The following PIK3AP1 variants were observed in gnomAD, a reference collection of about 807,000 sequenced individuals.
PIK3AP1 encodes phosphoinositide 3-kinase adapter protein 1.
PIK3AP1 carries 21 observed loss-of-function variants against 88.1 expected under a neutral mutation model. That is an observed-to-expected ratio of 0.24 (90% confidence interval 0.17 to 0.34). The LOEUF is 0.34. PIK3AP1 is among the 10% of genes least tolerant of loss of function. The pLI, the probability that PIK3AP1 is intolerant of heterozygous loss-of-function variation, is 1.00. For missense variants in PIK3AP1, 828 were observed against 1,035.7 expected (o/e 0.80, Z 2.75); for synonymous variants, 398 against 400.0 (o/e 1.00, Z 0.06).
intron 13 of PIK3AP1, among the ~76,000 whole-genome samples, chr10:96,613,887 C>T (rs1181958960): frequency 6.6e-6 from 1 of 152,188 alleles, no homozygotes. Context: ...TCAATGCTCC[C>T]TAATGGGGTG....
At chr10:96,661,989 A>G (rs1183071044) in intron 2 of PIK3AP1, among the ~76,000 whole-genome samples, 1 of 152,266 alleles carries the variant, frequency 6.6e-6, no homozygotes, top group Non-Finnish European at 1.5e-5. Context: ...AAAATTAAAA[A>G]GAAAATACAT....
In PIK3AP1 at chr10:96,628,297, C is replaced by T. The variant is rs1843180700; in HGVS notation, c.1471+101G>A. The T allele has an allele frequency of 5.0e-6, 5 of 992,894 alleles. No homozygotes were observed. The East Asian group carries it at 9.5e-5, about 19-fold the overall frequency. The allele number at this position is 992,894 out of a possible 1,614,324, so 61.5% of individuals were successfully genotyped here. A position where few individuals can be genotyped will look rare whatever the true frequency, so the allele number is the denominator to read the frequency against. ...ACATCACATGCCATGTATGCAGCAG[C>T]CCATTCCTTGAGGGGAGCAACCCTC... On this transcript the variant is annotated intron_variant, in intron 9 of 16. Coordinates refer to ENST00000339364, the MANE Select transcript of PIK3AP1 (RefSeq NM_152309.3).
At chr10:96,620,325 A>C (rs1843058592) in intron 12 of PIK3AP1, 27 bp downstream of exon 12, 1 of 1,610,386 alleles carries the variant, frequency 6.2e-7, no homozygotes, top group Admixed American at 1.7e-5. Flanking sequence ...AATAGACATG[A>C]AACAAATTCC....
At chr10:96,643,515 A>G (rs764802832) in intron 8 of PIK3AP1, among the ~76,000 whole-genome samples, 7 of 152,208 alleles carry the variant, frequency 4.6e-5, no homozygotes, top group Non-Finnish European at 1.0e-4. Context: ...GCCAAGGCAC[A>G]GCTCATTCTG....
chr10:96,699,482 T>A (rs1273479234), intron 2 of PIK3AP1, among the ~76,000 whole-genome samples: 2 of 152,254 alleles, frequency 1.3e-5, no homozygotes, highest in East Asian at 1.9e-4. Flanking sequence ...TTACTTTTTT[T>A]AAATTACTGC....
At chr10:96,717,790 T>C (rs1844522791) in intron 1 of PIK3AP1, among the ~76,000 whole-genome samples, 1 of 152,168 alleles carries the variant, frequency 6.6e-6, no homozygotes, top group South Asian at 2.1e-4. Context: ...ATACACAAGA[T>C]GCCATCAGGG....
At chr10:96,707,131 C>T (rs76053872) in intron 2 of PIK3AP1, among the ~76,000 whole-genome samples, 17 of 152,300 alleles carry the variant, frequency 1.1e-4, no homozygotes, top group African/African-American at 4.1e-4. Context: ...TTCCGAGACA[C>T]TTGAAGCTAA....
Position 96,623,493 on chromosome 10 carries a change from A to G in PIK3AP1, c.1714T>C (p.Ser572Pro), listed in dbSNP as rs1390795614. Residue 572 changes from serine to proline, a missense_variant, in exon 11 of 17, where the codon TCC becomes CCC. Physicochemically the swap from Ser to Pro is moderately conservative, Grantham distance 74. This residue lies in a region of PIK3AP1 where 610 missense variants were observed against 760.1 expected (regional missense o/e 0.80). Transcript: ENST00000339364. ...SQERPGNFYVSSESIRKGPPV... is the reference protein window; with the variant it reads ...SQERPGNFYVPSESIRKGPPV... ...TTACCTTTCCTGATGCTCTCTGAGGAAACGTAGAAATTCCCAGGCCGCTCT... is the reference window on the plus strand; with the variant it reads ...TTACCTTTCCTGATGCTCTCTGAGGGAACGTAGAAATTCCCAGGCCGCTCT... 6.2e-7 allele frequency: 1 copy of G among 1,612,224 alleles called. No homozygotes were observed. The highest frequency in any genetic ancestry group is 2.2e-5 in the East Asian group (1 of 44,886).
chr10:96,596,688 A>G (rs1848758642), intron 16 of PIK3AP1, among the ~76,000 whole-genome samples: 1 of 152,118 alleles, frequency 6.6e-6, no homozygotes, highest in Non-Finnish European at 1.5e-5. Context: ...GTTATTCTGT[A>G]TGGTTTTTGA....
intron 2 of PIK3AP1, among the ~76,000 whole-genome samples, chr10:96,706,317 T>G (rs1189248560): frequency 1.3e-5 from 2 of 152,224 alleles, no homozygotes; most frequent in Non-Finnish European, 2.9e-5. Flanking sequence ...AAATATTAGC[T>G]TTTGCTTTTA....
intron 2 of PIK3AP1, among the ~76,000 whole-genome samples, chr10:96,696,708 T>C (rs1378478702): frequency 6.6e-6 from 1 of 152,202 alleles, no homozygotes; most frequent in Non-Finnish European, 1.5e-5. Context: ...ATACATACAT[T>C]CCTTCATATC....
Position 96,698,904 on chromosome 10 carries a change from G to A in PIK3AP1, c.430+10663C>T, listed in dbSNP as rs369471603. On this transcript the variant is annotated intron_variant, in intron 2 of 16. Transcript: ENST00000339364. Reference sequence around the variant, plus strand: ...AAAATATTAAAATATTAGGCCCGGCGTAGTGGCTCACGCCTGTAATCCCAG... The same window carrying A: ...AAAATATTAAAATATTAGGCCCGGCATAGTGGCTCACGCCTGTAATCCCAG... Among the ~76,000 whole-genome samples, 6 of 152,266 alleles carry A rather than the reference G, an allele frequency of 3.9e-5. No individual in the cohort carries two copies. In the East Asian group the frequency reaches 5.8e-4, roughly 15 times the overall value.
chr10:96,603,563 T>G (rs1482642461), intron 15 of PIK3AP1, among the ~76,000 whole-genome samples: 2 of 152,038 alleles, frequency 1.3e-5, no homozygotes, highest in African/African-American at 4.8e-5. Context: ...CCTCAAACAC[T>G]GGACTCCAAG....
chr10:96,677,067 G>A (rs11595566), intron 2 of PIK3AP1, among the ~76,000 whole-genome samples: 10,834 of 152,126 alleles, frequency 0.071, 515 homozygotes, highest in Non-Finnish European at 0.11. Flanking sequence ...CTCTGAACAC[G>A]GTTTGTTTTT....
At position 96,599,050 on chromosome 10, in the gene PIK3AP1, A is replaced by T. The variant is rs1046953819; in HGVS notation, c.2360+3230T>A. On this transcript the variant is annotated intron_variant, in intron 16 of 16. Coordinates refer to ENST00000339364, the MANE Select transcript of PIK3AP1 (RefSeq NM_152309.3). ...TGGCTGCAATGTGGAGGAGGGAGTGACTGGAGGAAGGGAGGTAAGTGTGGG... is the reference window on the plus strand; with the variant it reads ...TGGCTGCAATGTGGAGGAGGGAGTGTCTGGAGGAAGGGAGGTAAGTGTGGG... 2.6e-5 allele frequency among the ~76,000 whole-genome samples: 4 copies of T among 152,232 alleles called. No individual in the cohort carries two copies. The East Asian group carries it at 7.7e-4, about 29-fold the overall frequency.
chr10:96,700,809 C>T (rs1589546011), intron 2 of PIK3AP1: 22 of 985,478 alleles, frequency 2.2e-5, no homozygotes, highest in Non-Finnish European at 2.7e-5. Flanking sequence ...TTACCATCTG[C>T]GAGGCCACGA....
intron 2 of PIK3AP1, among the ~76,000 whole-genome samples, chr10:96,664,171 GA>G (rs1160846893): frequency 6.6e-6 from 1 of 152,122 alleles, no homozygotes; most frequent in African/African-American, 2.4e-5. Flanking sequence ...TTGCATCAGT[GA>G]AAAAACTGAA....
chr10:96,642,431 A>G (rs1843402592), intron 8 of PIK3AP1, among the ~76,000 whole-genome samples: 2 of 145,900 alleles, frequency 1.4e-5, no homozygotes, highest in African/African-American at 5.0e-5. Flanking sequence ...GTCTCAAAAA[A>G]AAAAAAAAAA....
At chr10:96,718,799 T>G (rs528241544) in intron 1 of PIK3AP1, among the ~76,000 whole-genome samples, 1 of 152,246 alleles carries the variant, frequency 6.6e-6, no homozygotes, top group Non-Finnish European at 1.5e-5. Context: ...TTCCTGACCA[T>G]GGAAGGAGGA....
Sources: allele counts gnomAD v4.1 joint callset (sites outside exome capture counted in the v4.1 genomes callset), GRCh38; gene constraint gnomAD v4.1.1; regional missense constraint gnomAD v4.1.1; transcripts MANE v1.5; gene names NCBI Gene and HGNC (gene_info 2026-07-23, HGNC 2026-07-21).